The following ARFIP1 variants were observed in gnomAD, a reference collection of about 807,000 sequenced individuals.
ARFIP1 encodes ARF interacting protein 1, also known as arfaptin-1.
In ARFIP1, 24 loss-of-function variants were observed where a neutral mutation model predicts 42.5. That is an observed-to-expected ratio of 0.57 (90% CI 0.41 to 0.80). ARFIP1 has a LOEUF of 0.80. ARFIP1 is among the 30% of genes least tolerant of loss of function. ARFIP1 has a pLI of 0.00. For missense variants in ARFIP1, 354 were observed against 434.0 expected (o/e 0.82, Z 1.64); for synonymous variants, 141 against 153.7 (o/e 0.92, Z 0.61).
chr4:152,780,552 G>A (rs760919443), intron 1 of ARFIP1, among the ~76,000 whole-genome samples: 2 of 152,148 alleles, frequency 1.3e-5, no homozygotes, highest in Non-Finnish European at 2.9e-5. Flanking sequence ...ACAAAGTGTC[G>A]GAGTGGGCCA....
chr4:152,818,135 A>C (rs569876124), intron 1 of ARFIP1, among the ~76,000 whole-genome samples: 1 of 152,368 alleles, frequency 6.6e-6, no homozygotes, highest in South Asian at 2.1e-4. Flanking sequence ...TTGGAAAAAC[A>C]AAATAGTGTG....
intron 1 of ARFIP1, among the ~76,000 whole-genome samples, chr4:152,794,801 A>C (rs1411384198): frequency 1.3e-5 from 2 of 152,164 alleles, no homozygotes; most frequent in Admixed American, 1.3e-4. Context: ...TTATATCAAT[A>C]TGGACTCATT....
chr4:152,879,983 G>A (rs1214888653), intron 5 of ARFIP1, among the ~76,000 whole-genome samples: 1 of 152,146 alleles, frequency 6.6e-6, no homozygotes, highest in East Asian at 1.9e-4. Context: ...ATGAAGTTGA[G>A]AGTAAAACAT....
intron 1 of ARFIP1, among the ~76,000 whole-genome samples, chr4:152,786,039 T>C (rs149169190): frequency 6.6e-6 from 1 of 152,370 alleles, no homozygotes; most frequent in Non-Finnish European, 1.5e-5. Context: ...CTACCCATGG[T>C]GCCTAGCAGT....
intron 1 of ARFIP1, among the ~76,000 whole-genome samples, chr4:152,806,339 T>C (rs1264784711): frequency 6.6e-6 from 1 of 152,138 alleles, no homozygotes; most frequent in Non-Finnish European, 1.5e-5. Flanking sequence ...TGCTGCTGGG[T>C]TGTGGAGCTG....
At chr4:152,823,738 CT>C (rs1332869365) in intron 1 of ARFIP1, among the ~76,000 whole-genome samples, 1 of 138,478 alleles carries the variant, frequency 7.2e-6, no homozygotes, top group Non-Finnish European at 1.5e-5. Context: ...GATCACACCA[CT>C]ACACTCCAGC....
intron 1 of ARFIP1, among the ~76,000 whole-genome samples, chr4:152,826,084 T>C (rs960082746): frequency 2.0e-5 from 3 of 152,028 alleles, no homozygotes; most frequent in African/African-American, 7.2e-5. Context: ...CTCAAAGAAG[T>C]AAAAGTAGAT....
intron 1 of ARFIP1, among the ~76,000 whole-genome samples, chr4:152,807,457 A>T (rs2149829480): frequency 6.6e-6 from 1 of 152,226 alleles, no homozygotes; most frequent in East Asian, 1.9e-4. Flanking sequence ...TTGAGCCGTT[A>T]TAGTGGTTAT....
At chr4:152,901,544 T>C (rs1737835486) in intron 8 of ARFIP1, among the ~76,000 whole-genome samples, 1 of 152,250 alleles carries the variant, frequency 6.6e-6, no homozygotes, top group African/African-American at 2.4e-5. Flanking sequence ...TCTTCATAAG[T>C]GAGTTTGTAA....
intron 8 of ARFIP1, among the ~76,000 whole-genome samples, chr4:152,894,582 A>G (rs560825915): frequency 2.5e-4 from 38 of 152,292 alleles, no homozygotes; most frequent in Non-Finnish European, 5.1e-4. Context: ...GGAAAGTGAG[A>G]TTAAGTTATA....
chr4:152,908,603 C>G (rs1406238805), intron 8 of ARFIP1, among the ~76,000 whole-genome samples: 1 of 151,790 alleles, frequency 6.6e-6, no homozygotes, highest in Non-Finnish European at 1.5e-5. Context: ...AAGCAAAACT[C>G]CATCTCAAAA....
chr4:152,809,584 C>T (rs1418645207), intron 1 of ARFIP1: 1 of 152,152 alleles, frequency 6.6e-6, no homozygotes, highest in East Asian at 1.9e-4. Flanking sequence ...AGGGGGCTTG[C>T]TGTACCCTTT....
chr4:152,888,941 C>T (rs1279836820), intron 8 of ARFIP1, among the ~76,000 whole-genome samples: 1 of 152,104 alleles, frequency 6.6e-6, no homozygotes, highest in Non-Finnish European at 1.5e-5. Flanking sequence ...CTATTACTTG[C>T]ATATTCAGCT....
intron 1 of ARFIP1, among the ~76,000 whole-genome samples, chr4:152,818,288 G>A (rs1228969475): frequency 6.6e-6 from 1 of 152,208 alleles, no homozygotes; most frequent in East Asian, 1.9e-4. Context: ...CAGAGCTTGG[G>A]AAGGGGAGAG....
intron 2 of ARFIP1, among the ~76,000 whole-genome samples, chr4:152,860,367 G>T (rs1733790937): frequency 6.6e-6 from 1 of 152,048 alleles, no homozygotes; most frequent in Non-Finnish European, 1.5e-5. Flanking sequence ...ATGATTGCTA[G>T]GTATTATTTT....
At chr4:152,903,484 G>GT (rs138825213) in intron 8 of ARFIP1, among the ~76,000 whole-genome samples, 384 of 146,918 alleles carry the variant, frequency 2.6e-3, no homozygotes, top group East Asian at 0.011. Flanking sequence ...TCCATTTGGA[G>GT]TTTTTTTTTT....
rs529877576 is a variant in ARFIP1, at chr4:152,851,661, A to T, written c.94-11945A>T. On this transcript the variant is annotated intron_variant, in intron 2 of 8. Transcript: ENST00000353617. ...TGTCTCTGTCTAGTTTGAAGAATTG[A>T]TTGCGGGACTGACAGTACTAGAGAC... Among the ~76,000 whole-genome samples the T allele has an allele frequency of 1.1e-4, 16 of 152,336 alleles. No homozygotes were observed. The South Asian group carries it at 1.2e-3, about 12-fold the overall frequency.
chr4:152,863,793 G>A (rs80259950), intron 3 of ARFIP1, 79 bp downstream of exon 3: 3 of 848,630 alleles, frequency 3.5e-6, no homozygotes, highest in Admixed American at 2.3e-5. Flanking sequence ...TATTAATAAA[G>A]CACAAGAATG....
chr4:152,796,392 T>C (rs899422797), intron 1 of ARFIP1: 4 of 733,558 alleles, frequency 5.5e-6, no homozygotes, highest in African/African-American at 5.3e-5. Context: ...CAGACTTCAG[T>C]AACCATCCTC....
Sources: allele counts gnomAD v4.1 joint callset (sites outside exome capture counted in the v4.1 genomes callset), GRCh38; gene constraint gnomAD v4.1.1; transcripts MANE v1.5; gene names NCBI Gene and HGNC (gene_info 2026-07-23, HGNC 2026-07-21).